The following EPSTI1 variants were observed in gnomAD, a reference collection of about 807,000 sequenced individuals.
EPSTI1 encodes epithelial-stromal interaction protein 1.
A neutral mutation model predicts 49.9 loss-of-function variants in EPSTI1; 66 were observed. The observed-to-expected ratio is 1.32, with a 90% CI of 1.08 to 1.62. The LOEUF (loss-of-function observed/expected upper bound fraction) is 1.62, where lower values mean the gene tolerates loss of function less well. Ranked by LOEUF, EPSTI1 falls within the 40% of genes most tolerant of loss-of-function variation. EPSTI1 has a pLI of 0.00. For synonymous variants in EPSTI1, 137 were observed against 130.7 expected (o/e 1.05, Z -0.33); for missense variants, 394 against 365.5 (o/e 1.08, Z -0.64).
chr13:42,962,570 G>C (rs1172138286), intron 5 of EPSTI1, among the ~76,000 whole-genome samples: 1 of 147,500 alleles, frequency 6.8e-6, no homozygotes, highest in Non-Finnish European at 1.5e-5. Flanking sequence ...AAGAGTTCGA[G>C]ACCAGCCTTG....
intron 8 of EPSTI1, among the ~76,000 whole-genome samples, chr13:42,913,584 G>C (rs1316215289): frequency 6.6e-6 from 1 of 152,190 alleles, no homozygotes; most frequent in Non-Finnish European, 1.5e-5. Context: ...GAATTCTCAT[G>C]AAGAGTTAGA....
At chr13:42,990,469 G>GA (rs998329420) in intron 1 of EPSTI1, among the ~76,000 whole-genome samples, 1 of 152,082 alleles carries the variant, frequency 6.6e-6, no homozygotes, top group Non-Finnish European at 1.5e-5. Flanking sequence ...CTTTTTAACA[G>GA]AAAAAAGTCA....
chr13:42,921,126 AATC>A (rs1404182013), intron 7 of EPSTI1, among the ~76,000 whole-genome samples: 1 of 152,202 alleles, frequency 6.6e-6, no homozygotes, highest in Non-Finnish European at 1.5e-5. Context: ...AACACAAGAA[AATC>A]ATCTAGAACT....
At chr13:42,959,390 T>G (rs920187836) in intron 5 of EPSTI1, among the ~76,000 whole-genome samples, 3 of 152,230 alleles carry the variant, frequency 2.0e-5, no homozygotes, top group African/African-American at 7.2e-5. Flanking sequence ...CCTGAAAGTT[T>G]TCAGAAATGG....
Position 42,983,621 on chromosome 13 carries a change from A to AATCCTTCT in EPSTI1, c.188+8349_188+8356dup, listed in dbSNP as rs1437748752. Among the ~76,000 whole-genome samples the AATCCTTCT allele has an allele frequency of 3.3e-5, 5 of 151,076 alleles. No homozygotes were observed. In the East Asian group the frequency reaches 9.6e-4, roughly 29 times the overall value. On this transcript the variant is annotated intron_variant, in intron 1 of 10. Coordinates refer to ENST00000313624, the MANE Select transcript of EPSTI1 (RefSeq NM_033255.5). ...TAAGACCTTAGCTAGCTGTACTATCAATCCTTCTATCTATTCTCCATCTGT... is the reference window on the plus strand; with the variant it reads ...TAAGACCTTAGCTAGCTGTACTATCAATCCTTCTATCCTTCTATCTATTCTCCATCTGT...
chr13:42,986,812 G>T (rs2040093116), intron 1 of EPSTI1, among the ~76,000 whole-genome samples: 1 of 151,260 alleles, frequency 6.6e-6, no homozygotes, highest in South Asian at 2.1e-4. Context: ...AGAGGCGGGG[G>T]CTGGAGATTT....
chr13:42,888,255 A>AAAAT lies in EPSTI1; in HGVS notation c.*235_*238dup, dbSNP rs1420186251. ...CACTCTAATTATACTTCCAATTAGAAAAATAATGTAGCATTTCCCTGGCAG... is the reference window on the plus strand; with the variant it reads ...CACTCTAATTATACTTCCAATTAGAAAAATAAATAATGTAGCATTTCCCTGGCAG... On this transcript the variant is annotated 3_prime_UTR_variant, in exon 11 of 11. Coordinates refer to ENST00000313624, the MANE Select transcript of EPSTI1 (RefSeq NM_033255.5). 9 of 1,613,460 alleles carry AAAAT rather than the reference A, an allele frequency of 5.6e-6. No individual in the cohort carries two copies. The highest frequency in any genetic ancestry group is 1.1e-5 in the South Asian group (1 of 91,012).
At chr13:42,979,802 C>T (rs527961593) in intron 1 of EPSTI1, among the ~76,000 whole-genome samples, 1 of 152,174 alleles carries the variant, frequency 6.6e-6, no homozygotes, top group African/African-American at 2.4e-5. Flanking sequence ...AAAATAAAAA[C>T]AGTCTCCTAC....
intron 10 of EPSTI1, among the ~76,000 whole-genome samples, chr13:42,893,368 A>G (rs558182989): frequency 2.0e-5 from 3 of 152,354 alleles, no homozygotes; most frequent in South Asian, 2.1e-4. Context: ...AAGCAAGCAC[A>G]GAAGTGCAGA....
chr13:42,901,007 A>G (rs2037337180), intron 8 of EPSTI1, among the ~76,000 whole-genome samples: 2 of 152,310 alleles, frequency 1.3e-5, no homozygotes, highest in South Asian at 4.1e-4. Context: ...TTCTTGGAAG[A>G]GGCAACTTAA....
In EPSTI1 at chr13:42,922,221, A is replaced by G. The variant is rs1046971456; in HGVS notation, c.657+4115T>C. Among the ~76,000 whole-genome samples, 1 of 152,250 alleles carries G rather than the reference A, an allele frequency of 6.6e-6. No homozygotes were observed. The highest frequency in any genetic ancestry group is 1.5e-5 in the Non-Finnish European group (1 of 68,048). ...GATATTCGGAGCTAACTAAGAAAAG[A>G]AACAGGTGGTGGGTTGCATAATGGC... On this transcript the variant is annotated intron_variant, in intron 7 of 10. Transcript: ENST00000313624. This position sits in a 1 kb window ranked among gnomAD's most constrained non-coding sequence, Gnocchi z 4.8.
intron 9 of EPSTI1, among the ~76,000 whole-genome samples, chr13:42,899,581 C>T (rs1311102633): frequency 1.3e-5 from 2 of 152,068 alleles, no homozygotes; most frequent in Non-Finnish European, 2.9e-5. Flanking sequence ...AGGTTAAATA[C>T]GTTCAAAAAA....
chr13:42,915,869 C>T lies in EPSTI1; in HGVS notation c.741+1672G>A, dbSNP rs2037815601. Among the ~76,000 whole-genome samples the T allele has an allele frequency of 2.0e-5, 3 of 151,574 alleles. 1 individual carries two copies. Among genetic ancestry groups the T allele is most frequent in the South Asian group, 4.2e-4 (2 of 4,798 alleles). On this transcript the variant is annotated intron_variant, in intron 8 of 10. Transcript: ENST00000313624. ...ATTTTCACTGTTTAAAATAACTGCT[C>T]AACCTGAAAATTAAATCCCAGATCT... is the stretch of plus-strand genomic sequence containing the variant.
intron 1 of EPSTI1, among the ~76,000 whole-genome samples, chr13:42,973,139 A>G (rs1427361091): frequency 6.6e-6 from 1 of 152,230 alleles, no homozygotes; most frequent in Non-Finnish European, 1.5e-5. Context: ...AGGTTTGGAG[A>G]GAAAAATCAA....
At chr13:42,911,307 CCTTT>C (rs1447944156) in intron 8 of EPSTI1, among the ~76,000 whole-genome samples, 1 of 149,458 alleles carries the variant, frequency 6.7e-6, no homozygotes, top group African/African-American at 2.4e-5. Flanking sequence ...GCACATGCTT[CCTTT>C]ATCAGATTGT....
chr13:42,931,311 T>C (rs1395353780), intron 6 of EPSTI1, among the ~76,000 whole-genome samples: 1 of 149,586 alleles, frequency 6.7e-6, no homozygotes, highest in Non-Finnish European at 1.5e-5. Context: ...GTTCACGCCA[T>C]TCTCCTGCCT....
Position 42,989,345 on chromosome 13 carries a change from G to A in EPSTI1, c.188+2633C>T, listed in dbSNP as rs145620808. On this transcript the variant is annotated intron_variant, in intron 1 of 10. Coordinates refer to ENST00000313624, the MANE Select transcript of EPSTI1 (RefSeq NM_033255.5). ...AATGAGGAAACTGAGGCATAAAGTA[G>A]CTAAGGATTTTGTTCAAAGAGCAAG... Among the ~76,000 whole-genome samples, 603 of 152,146 alleles carry A rather than the reference G, an allele frequency of 4.0e-3. 3 individuals carry two copies. Among genetic ancestry groups the A allele is most frequent in the African/African-American group, 0.014 (564 of 41,522 alleles).
chr13:42,939,223 ACTTTC>A (rs1181310640), intron 6 of EPSTI1, among the ~76,000 whole-genome samples: 1 of 152,128 alleles, frequency 6.6e-6, no homozygotes, highest in Non-Finnish European at 1.5e-5. Context: ...GACCACTTGA[ACTTTC>A]TTCATATTAG....
chr13:42,969,197 T>C lies in EPSTI1; in HGVS notation c.248-20A>G, dbSNP rs1433921724. On this transcript the variant is annotated intron_variant, in intron 2 of 10. Coordinates refer to ENST00000313624, the MANE Select transcript of EPSTI1 (RefSeq NM_033255.5). Reference sequence around the variant, plus strand: ...CCGCAACTAAGCCAGGCGAGAAATATCAAATCGTCAATTATTAGACTTCTA... The same window carrying C: ...CCGCAACTAAGCCAGGCGAGAAATACCAAATCGTCAATTATTAGACTTCTA... The C allele has an allele frequency of 1.2e-6, 2 of 1,610,922 alleles. No homozygotes were observed. Among genetic ancestry groups the C allele is most frequent in the South Asian group, 2.2e-5 (2 of 90,780 alleles).
Sources: allele counts gnomAD v4.1 joint callset (sites outside exome capture counted in the v4.1 genomes callset), GRCh38; gene constraint gnomAD v4.1.1; non-coding constraint Gnocchi (gnomAD v3.1); transcripts MANE v1.5; gene names NCBI Gene and HGNC (gene_info 2026-07-23, HGNC 2026-07-21).